The following SLC16A5 variants were observed in gnomAD, a reference collection of about 807,000 sequenced individuals.
SLC16A5 encodes the protein monocarboxylate transporter 6.
A neutral mutation model predicts 33.2 loss-of-function variants in SLC16A5; 29 were observed. The ratio of observed to expected loss-of-function variants is 0.87; its 90% CI spans 0.65 to 1.19. SLC16A5 has a LOEUF of 1.19. SLC16A5 is among the 50% of genes most tolerant of loss of function. The pLI is 0.00. For synonymous variants in SLC16A5, 248 were observed against 284.1 expected (o/e 0.87, Z 1.28); for missense variants, 606 against 678.2 (o/e 0.89, Z 1.18).
downstream of SLC16A5, among the ~76,000 whole-genome samples, chr17:75,108,092 C>A (rs1272512564): frequency 6.6e-6 from 1 of 152,128 alleles, no homozygotes; most frequent in African/African-American, 2.4e-5. Context: ...CAGAGCGAGA[C>A]TCCATCTCAA....
chr17:75,106,237 A>G (rs761868863), downstream of SLC16A5: 2 of 393,694 alleles, frequency 5.1e-6, no homozygotes, highest in East Asian at 3.9e-5. Context: ...TGACGACTCC[A>G]TTTCCTTCTG....
At chr17:75,099,836 A>C in intron 4 of SLC16A5, 171 bp from the exon 5 acceptor site, 1 of 638,930 alleles carries the variant, frequency 1.6e-6, no homozygotes, top group South Asian at 2.0e-5. Context: ...GGGTGCCTAC[A>C]GGGAGGTGGC....
chr17:75,109,883 A>G (rs1762905574), downstream of SLC16A5: 1 of 206,770 alleles, frequency 4.8e-6, no homozygotes. This position sits in a 1 kb window ranked among gnomAD's most constrained non-coding sequence, Gnocchi z 5.0. Context: ...AGAAAACCAG[A>G]AGCGCGCCGC....
intron 6 of SLC16A5, chr17:75,104,602 C>A: frequency 1.8e-6 from 1 of 561,174 alleles, no homozygotes; most frequent in African/African-American, 2.0e-5. Context: ...CAGGCATGCG[C>A]CACCACTCCC....
At chr17:75,088,647 T>A (rs1385870739) in intron 1 of SLC16A5, among the ~76,000 whole-genome samples, 3 of 151,972 alleles carry the variant, frequency 2.0e-5, no homozygotes, top group Non-Finnish European at 2.9e-5. Context: ...AGGAGCCTAC[T>A]TGATATGGGA....
downstream of SLC16A5, chr17:75,110,012 C>T: frequency 5.2e-6 from 2 of 386,832 alleles, no homozygotes; most frequent in Admixed American, 4.4e-5. Context: ...AGTGCCCCCT[C>T]CGCGAGCCCC....
downstream of SLC16A5, among the ~76,000 whole-genome samples, chr17:75,109,052 G>A (rs147263355): frequency 1.3e-5 from 2 of 152,286 alleles, no homozygotes; most frequent in East Asian, 3.9e-4. The surrounding 1 kb of genome is among the most constrained non-coding windows in gnomAD (Gnocchi z 5.0). Flanking sequence ...CCCCTACGTT[G>A]TCAAATGCGA....
At chr17:75,106,590 TTTAAAAAAAAAAAA>T (rs2073866095), downstream of SLC16A5, among the ~76,000 whole-genome samples, 1 of 107,578 alleles carries the variant, frequency 9.3e-6, no homozygotes, top group Non-Finnish European at 2.0e-5. Context: ...CTGTCTTTTT[TTTAAAAAAAAAAAA>T]AAAAAAAAGG....
At chr17:75,108,050 C>T (rs61633986), downstream of SLC16A5, among the ~76,000 whole-genome samples, 2,319 of 151,992 alleles carry the variant, frequency 0.015, 56 homozygotes, top group African/African-American at 0.053. Flanking sequence ...TGTAGTGAGC[C>T]GAGATCGCAC....
intron 5 of SLC16A5, among the ~76,000 whole-genome samples, chr17:75,103,364 CTG>C (rs1431073951): frequency 7.0e-6 from 1 of 142,450 alleles, no homozygotes. Flanking sequence ...GAGTCTCACT[CTG>C]TTGCCCAGAC....
rs748499376 is a variant in SLC16A5 at position 75,100,624 on chromosome 17, G to A, written c.961G>A (p.Val321Met). 33 of 1,614,112 alleles carry A rather than the reference G, an allele frequency of 2.0e-5. No individual in the cohort carries two copies. The highest frequency in any genetic ancestry group is 2.7e-5 in the Non-Finnish European group (32 of 1,180,056). ...CCTGCTCAATGGGCTCACTAACCTG[G>A]TGTGTGCGGCATCAGGTGACTTCTG... ...ALLLNGLTNLVCAASGDFWVL... is the reference protein window; with the variant it reads ...ALLLNGLTNLMCAASGDFWVL... Residue 321 changes from valine to methionine, a missense_variant, in exon 5 of 7, where the codon GTG becomes ATG. By Grantham distance (21) the Val-to-Met change is conservative (BLOSUM62 1). Coordinates refer to ENST00000329783, the MANE Select transcript of SLC16A5 (RefSeq NM_004695.4).
chr17:75,104,502 C>T, intron 6 of SLC16A5: 3 of 1,060,284 alleles, frequency 2.8e-6, no homozygotes, highest in Non-Finnish European at 3.5e-6. Context: ...TCACTGCAAC[C>T]TCTGCCTCCC....
At chr17:75,107,841 G>T (rs2041258861), downstream of SLC16A5, among the ~76,000 whole-genome samples, 1 of 152,176 alleles carries the variant, frequency 6.6e-6, no homozygotes, top group Admixed American at 6.5e-5. Flanking sequence ...GGAGGCTGAG[G>T]CAGGAGAATG....
intron 6 of SLC16A5, chr17:75,104,415 C>CTTTTTT (rs577017676): frequency 6.0e-6 from 6 of 1,004,436 alleles, no homozygotes; most frequent in Admixed American, 5.9e-5. Context: ...CTGAGAAACT[C>CTTTTTT]TTTTTTTTTT....
chr17:75,093,981 G>A lies in SLC16A5; in HGVS notation c.199+146G>A, dbSNP rs1413294496. 3.1e-6 allele frequency: 4 copies of A among 1,270,420 alleles called. No homozygotes were observed. The African/African-American group carries it at 4.5e-5, about 14-fold the overall frequency. The allele number at this position is 1,270,420 out of a possible 1,614,324, so 78.7% of individuals were successfully genotyped here. The stretch of plus-strand genomic sequence containing the variant: ...TAAGGTTTCACCAGATTTCACCAGG[G>A]GCCCCTGGCTGGAATCCAGCTGGAC... On this transcript the variant is annotated intron_variant, in intron 3 of 6. Transcript: ENST00000329783.
At chr17:75,093,514 C>T in intron 2 of SLC16A5, 75 bp from the exon 3 acceptor site, 1 of 1,537,678 alleles carries the variant, frequency 6.5e-7, no homozygotes, top group Non-Finnish European at 8.7e-7. Flanking sequence ...CTTAGCTGCC[C>T]AGAGAAGGTG....
intron 2 of SLC16A5, among the ~76,000 whole-genome samples, chr17:75,091,882 G>T (rs888025675): frequency 3.3e-5 from 5 of 152,184 alleles, no homozygotes; most frequent in African/African-American, 1.2e-4. Flanking sequence ...ATAGGAGGGG[G>T]TTGAAAAAGG....
intron 6 of SLC16A5, 162 bp from the exon 7 acceptor site, chr17:75,105,718 A>C: frequency 1.0e-6 from 1 of 985,464 alleles, no homozygotes; most frequent in Non-Finnish European, 1.2e-6. Flanking sequence ...AAACTCTGTG[A>C]ACTAATGAAG....
At chr17:75,096,825 C>T (rs370540914) in intron 3 of SLC16A5, among the ~76,000 whole-genome samples, 15 of 144,610 alleles carry the variant, frequency 1.0e-4, no homozygotes, top group East Asian at 8.1e-4. Context: ...AGCCACCACG[C>T]ATGGCCACTC....
Sources: gnomAD v4.1 joint callset for allele counts (sites outside exome capture counted in the v4.1 genomes callset) on GRCh38, gnomAD v4.1.1 for gene constraint, Gnocchi (gnomAD v3.1) non-coding constraint, MANE v1.5 for transcripts, NCBI Gene and HGNC (gene_info 2026-07-23, HGNC 2026-07-21) for gene names.